The following TRPM3 variants were observed in gnomAD, a reference collection of about 807,000 sequenced individuals.
The protein encoded by TRPM3 is long transient receptor potential channel 3.
A neutral mutation model predicts 181.2 loss-of-function variants in TRPM3; 77 were observed. The ratio of observed to expected loss-of-function variants is 0.42; its 90% CI spans 0.35 to 0.51. The LOEUF (loss-of-function observed/expected upper bound fraction) is 0.51. Ranked by LOEUF, TRPM3 falls within the 20% of genes least tolerant of loss-of-function variation. The pLI is 0.01. For missense variants in TRPM3, 1,759 were observed against 2,196.7 expected, an observed-to-expected ratio of 0.80 and a Z score of 3.98; for synonymous variants, 745 against 796.4, an observed-to-expected ratio of 0.94 and a Z score of 1.09.
intron 1 of TRPM3, among the ~76,000 whole-genome samples, chr9:71,302,894 A>G (rs2086906711): frequency 6.6e-6 from 1 of 152,100 alleles, no homozygotes; most frequent in Non-Finnish European, 1.5e-5. Context: ...AATTAAGAAA[A>G]AAGCATAGTG....
intron 1 of TRPM3, among the ~76,000 whole-genome samples, chr9:71,406,276 T>C (rs1274075287): frequency 6.6e-6 from 1 of 152,192 alleles, no homozygotes; most frequent in East Asian, 1.9e-4. Flanking sequence ...TGAAGAACAA[T>C]GCAAAAGGAA....
rs1241919291 is a variant in TRPM3 at position 70,858,119 on chromosome 9, T to G, written c.462+4789A>C. 2.0e-5 allele frequency among the ~76,000 whole-genome samples: 3 copies of G among 152,164 alleles called. No homozygotes were observed. The East Asian group carries it at 5.8e-4, about 29-fold the overall frequency. ...GTCTCATATTATGTCCAGACCACAC[T>G]GGCAACACAAGGGCTTCAACTTGGC... On this transcript the variant is annotated intron_variant, in intron 3 of 25. Coordinates refer to ENST00000677713, the MANE Select transcript of TRPM3 (RefSeq NM_001366145.2).
chr9:71,117,352 C>T (rs1214514103), intron 1 of TRPM3, among the ~76,000 whole-genome samples: 3 of 152,146 alleles, frequency 2.0e-5, no homozygotes, highest in African/African-American at 7.2e-5. Flanking sequence ...GCAGACAAGG[C>T]CTTCTATTAG....
At chr9:71,402,440 A>C (rs2093359134) in intron 1 of TRPM3, among the ~76,000 whole-genome samples, 1 of 152,146 alleles carries the variant, frequency 6.6e-6, no homozygotes, top group African/African-American at 2.4e-5. Context: ...TACTCAGCTA[A>C]GTTGAAGATG....
chr9:71,399,048 TAA>T (rs1336265443), intron 1 of TRPM3, among the ~76,000 whole-genome samples: 10 of 152,162 alleles, frequency 6.6e-5, no homozygotes, highest in Admixed American at 2.0e-4. Context: ...CCAATAGTGC[TAA>T]GTCAATATTT....
chr9:71,342,243 T>A (rs1465078052), intron 1 of TRPM3, among the ~76,000 whole-genome samples: 1 of 84,334 alleles, frequency 1.2e-5, no homozygotes, highest in Non-Finnish European at 2.5e-5. Flanking sequence ...ATTGGTGATA[T>A]CTTTAAATAG....
rs2041202915 is a variant in TRPM3, at chr9:70,533,659, G to A, written c.*2294C>T. The A allele has an allele frequency of 6.6e-6, 1 of 152,076 alleles. No homozygotes were observed. Among genetic ancestry groups the A allele is most frequent in the Non-Finnish European group, 1.5e-5 (1 of 68,024 alleles). 9.4% of individuals were successfully genotyped at this position (152,076 alleles called of 1,614,324 possible). A position where few individuals can be genotyped will look rare whatever the true frequency, so the allele number is the denominator to read the frequency against. On this transcript the variant is annotated 3_prime_UTR_variant, in exon 26 of 26. Transcript: ENST00000677713. ...GCCTCGTAGGGATTCATGACTCAAG[G>A]AAGTTTAAGAACGACTGATTTATTC...
intron 1 of TRPM3, among the ~76,000 whole-genome samples, chr9:71,221,264 T>C (rs75604750): frequency 0.011 from 1,644 of 152,298 alleles, 27 homozygotes; most frequent in East Asian, 0.074. Context: ...GCCAAAAACA[T>C]TTGCAATCTG....
At chr9:71,404,114 C>T (rs2093391841) in intron 1 of TRPM3, among the ~76,000 whole-genome samples, 1 of 152,114 alleles carries the variant, frequency 6.6e-6, no homozygotes, top group African/African-American at 2.4e-5. Context: ...CAGCGCCTGG[C>T]CATCTTTATA....
Position 70,625,513 on chromosome 9 carries a change from T to A in TRPM3, c.1637A>T (p.Glu546Val). 1.2e-6 allele frequency: 2 copies of A among 1,612,412 alleles called. No individual in the cohort carries two copies. The highest frequency in any genetic ancestry group is 1.7e-6 in the Non-Finnish European group (2 of 1,179,494). ...YHLVRDVKKR[E>V]YPGFGWIYFK... ...ATAGATCCAACCGAAACCTGGATACTCTCGCTTGGAAAGAAGACATAAGTT... is the reference window on the plus strand; with the variant it reads ...ATAGATCCAACCGAAACCTGGATACACTCGCTTGGAAAGAAGACATAAGTT... Residue 546 changes from glutamate (E) to valine (V), a missense_variant, in exon 13 of 26, where the codon GAG becomes GTG. Physicochemically the swap from Glu to Val is moderately radical, Grantham distance 121. Transcript: ENST00000677713. The surrounding 1 kb of genome is among the most constrained non-coding windows in gnomAD (Gnocchi z 4.8).
At chr9:70,866,994 A>C (rs763247135) in intron 1 of TRPM3, among the ~76,000 whole-genome samples, 2 of 152,046 alleles carry the variant, frequency 1.3e-5, no homozygotes, top group Non-Finnish European at 1.5e-5. Flanking sequence ...TATTGATATG[A>C]AATACCCTTG....
intron 9 of TRPM3, among the ~76,000 whole-genome samples, chr9:70,669,205 C>T (rs1188364964): frequency 6.6e-6 from 1 of 152,174 alleles, no homozygotes; most frequent in African/African-American, 2.4e-5. Flanking sequence ...ACCTGGATTC[C>T]AGTTCTTCCT....
intron 22 of TRPM3, among the ~76,000 whole-genome samples, chr9:70,588,276 A>T (rs535735254): frequency 1.9e-4 from 29 of 152,294 alleles, no homozygotes; most frequent in African/African-American, 7.0e-4. Context: ...GGTGGAAGGC[A>T]TATCAAAGAT....
rs2041282499 is a variant in TRPM3, at chr9:70,534,205, T to C, written c.*1748A>G. 1 of 152,204 alleles carries C rather than the reference T, an allele frequency of 6.6e-6. No homozygotes were observed. Among genetic ancestry groups the C allele is most frequent in the Non-Finnish European group, 1.5e-5 (1 of 68,034 alleles). The allele number at this position is 152,204 out of a possible 1,614,324, so 9.4% of individuals were successfully genotyped here. A position where few individuals can be genotyped will look rare whatever the true frequency, so the allele number is the denominator to read the frequency against. The stretch of plus-strand genomic sequence containing the variant: ...TAAAGTTGCGTGTCTATTCAGATTG[T>C]ACGTGGTGTAAAAACTTTGTTTAGG... On this transcript the variant is annotated 3_prime_UTR_variant, in exon 26 of 26. Coordinates refer to ENST00000677713, the MANE Select transcript of TRPM3 (RefSeq NM_001366145.2).
chr9:70,898,619 G>T (rs1399026768), intron 1 of TRPM3, among the ~76,000 whole-genome samples: 1 of 149,896 alleles, frequency 6.7e-6, no homozygotes, highest in Non-Finnish European at 1.5e-5. Flanking sequence ...ATGTTTGTGC[G>T]TGCCTGTAGT....
chr9:70,749,759 C>T (rs1270119096), intron 8 of TRPM3, among the ~76,000 whole-genome samples: 6 of 152,136 alleles, frequency 3.9e-5, no homozygotes, highest in South Asian at 2.1e-4. Flanking sequence ...TAAAGTTATT[C>T]GTGCTTTATT....
chr9:71,125,945 T>C (rs2134425401), upstream of TRPM3, among the ~76,000 whole-genome samples: 1 of 152,128 alleles, frequency 6.6e-6, no homozygotes, highest in African/African-American at 2.4e-5. Flanking sequence ...ACCTACAGAA[T>C]GGGAGAAAAT....
chr9:70,683,428 C>CTTTTTTTTTTTTTTTTTTTTTTTTTT (rs575176948), intron 8 of TRPM3, among the ~76,000 whole-genome samples: 1 of 57,458 alleles, frequency 1.7e-5, no homozygotes, highest in Non-Finnish European at 3.2e-5. Context: ...TCTCTCTCTC[C>CTTTTTTTTTTTTTTTTTTTTTTTTTT]TTTTTTTTTT....
At chr9:70,792,041 G>C (rs1167370142) in intron 6 of TRPM3, among the ~76,000 whole-genome samples, 4 of 152,158 alleles carry the variant, frequency 2.6e-5, no homozygotes, top group African/African-American at 9.7e-5. Flanking sequence ...TGGCCAAAGA[G>C]GTCACTGTGG....
Sources: allele counts gnomAD v4.1 joint callset (sites outside exome capture counted in the v4.1 genomes callset), GRCh38; gene constraint gnomAD v4.1.1; non-coding constraint Gnocchi (gnomAD v3.1); transcripts MANE v1.5; gene names NCBI Gene and HGNC (gene_info 2026-07-23, HGNC 2026-07-21).